SH2D4B: variants seen among roughly 807,000 people sequenced by gnomAD.
The protein encoded by SH2D4B is SH2 domain containing 4B.
In SH2D4B, 45 loss-of-function variants were observed where a neutral mutation model predicts 61.5. The ratio of observed to expected loss-of-function variants is 0.73; its 90% CI spans 0.58 to 0.94. The LOEUF is 0.94. SH2D4B is among the 40% of genes least tolerant of loss of function. The pLI is 0.00. For synonymous variants in SH2D4B, 224 were observed against 220.4 expected, an observed-to-expected ratio of 1.02 and a Z score of -0.14; for missense variants, 572 against 574.2, an observed-to-expected ratio of 1.00 and a Z score of 0.04.
chr10:80,559,664 G>T lies in SH2D4B; in HGVS notation c.185-10490G>T, dbSNP rs137937916. Reference sequence around the variant, plus strand: ...TTTTTTTTTTTTTTTTTGAGACAGGGTCTCACTCTATCACCCAGCCTATAG... The same window carrying T: ...TTTTTTTTTTTTTTTTTGAGACAGGTTCTCACTCTATCACCCAGCCTATAG... On this transcript the variant is annotated intron_variant, in intron 1 of 7. Coordinates refer to ENST00000646907, the MANE Select transcript of SH2D4B (RefSeq NM_001388272.1). Among the ~76,000 whole-genome samples, 1,366 of 147,614 alleles carry T rather than the reference G, an allele frequency of 9.3e-3. 23 individuals carry two copies. The highest frequency in any genetic ancestry group is 0.032 in the African/African-American group (1,296 of 39,912).
chr10:80,604,694 C>T (rs1842495254), intron 5 of SH2D4B, among the ~76,000 whole-genome samples: 1 of 151,998 alleles, frequency 6.6e-6, no homozygotes. Context: ...GATTCCCAAA[C>T]CAGAAGGTTT....
At chr10:80,588,018 A>G (rs1452132659) in intron 3 of SH2D4B, among the ~76,000 whole-genome samples, 1 of 152,158 alleles carries the variant, frequency 6.6e-6, no homozygotes, top group Non-Finnish European at 1.5e-5. Flanking sequence ...GTTAGGTGGC[A>G]CGATCACCAC....
intron 3 of SH2D4B, among the ~76,000 whole-genome samples, chr10:80,585,626 G>A (rs757970535): frequency 6.6e-6 from 1 of 152,166 alleles, no homozygotes; most frequent in African/African-American, 2.4e-5. Flanking sequence ...GGATGGCAGA[G>A]TCCTCTTACC....
chr10:80,593,513 A>G (rs552050156), intron 4 of SH2D4B, among the ~76,000 whole-genome samples: 1 of 152,344 alleles, frequency 6.6e-6, no homozygotes, highest in African/African-American at 2.4e-5. Context: ...TTGCTAGTGC[A>G]TAGAAATGCA....
rs1221957795 is a variant in SH2D4B at position 80,546,006 on chromosome 10, CTCTCTTTCTTTCTT to C, written c.184+7511_184+7524del. Among the ~76,000 whole-genome samples, 646 of 147,038 alleles carry C rather than the reference CTCTCTTTCTTTCTT, an allele frequency of 4.4e-3. 5 individuals carry two copies. The highest frequency in any genetic ancestry group is 0.015 in the African/African-American group (584 of 39,474). Reference sequence around the variant, plus strand: ...TTTTCTTATTTTCTCTCCTTTCTCTCTCTCTTTCTTTCTTTCTCTTTCTTTCTTTCTCTCTCTTT... The same window carrying C: ...TTTTCTTATTTTCTCTCCTTTCTCTCTCTCTTTCTTTCTTTCTCTCTCTTT... On this transcript the variant is annotated intron_variant, in intron 1 of 7. Transcript: ENST00000646907.
At chr10:80,561,125 A>G (rs1319706937) in intron 1 of SH2D4B, among the ~76,000 whole-genome samples, 1 of 152,198 alleles carries the variant, frequency 6.6e-6, no homozygotes, top group Non-Finnish European at 1.5e-5. Context: ...TAGCCTCTTT[A>G]TTTGTGGAAC....
chr10:80,574,732 C>T (rs1842104191), intron 3 of SH2D4B, among the ~76,000 whole-genome samples: 1 of 151,858 alleles, frequency 6.6e-6, no homozygotes, highest in South Asian at 2.1e-4. Context: ...CGGAGTTTCG[C>T]TCTTGTTGTC....
chr10:80,591,524 T>TTTTTTG (rs1842326673), intron 4 of SH2D4B, among the ~76,000 whole-genome samples: 1 of 149,482 alleles, frequency 6.7e-6, no homozygotes, highest in East Asian at 2.0e-4. Context: ...TTTTTTTTTT[T>TTTTTTG]GAGTCGGAGT....
intron 4 of SH2D4B, among the ~76,000 whole-genome samples, chr10:80,599,386 C>T (rs1842419627): frequency 6.6e-6 from 1 of 152,188 alleles, no homozygotes; most frequent in African/African-American, 2.4e-5. Flanking sequence ...CTAGGTGCCA[C>T]ATATTTTTGG....
Position 80,615,769 on chromosome 10 carries a change from T to C in SH2D4B, c.988+6218T>C, listed in dbSNP as rs1010880217. 3.9e-5 allele frequency among the ~76,000 whole-genome samples: 6 copies of C among 152,340 alleles called. No homozygotes were observed. In the East Asian group the frequency reaches 1.2e-3, roughly 29 times the overall value. On this transcript the variant is annotated intron_variant, in intron 6 of 7. Transcript: ENST00000646907. ...AGAGGGGACAGTTAAGATGGGGTTCTTGGGATCTTGGCAGTGTGGACCCAG... is the reference window on the plus strand; with the variant it reads ...AGAGGGGACAGTTAAGATGGGGTTCCTGGGATCTTGGCAGTGTGGACCCAG...
chr10:80,623,338 G>A (rs1457108974), intron 6 of SH2D4B, among the ~76,000 whole-genome samples: 2 of 152,212 alleles, frequency 1.3e-5, no homozygotes, highest in Non-Finnish European at 2.9e-5. Context: ...TTTGAAGATG[G>A]CACCTTGAAT....
intron 6 of SH2D4B, among the ~76,000 whole-genome samples, chr10:80,626,153 AT>A (rs35031186): frequency 0.17 from 25,540 of 149,376 alleles, 2,605 homozygotes; most frequent in Admixed American, 0.28. Context: ...ATCCAGGATA[AT>A]TTTTTTTTTT....
intron 3 of SH2D4B, among the ~76,000 whole-genome samples, chr10:80,577,693 C>T (rs568226953): frequency 3.3e-5 from 5 of 150,768 alleles, no homozygotes; most frequent in Admixed American, 6.6e-5. Context: ...CCCAAAGCGC[C>T]GGGATTACAG....
At chr10:80,581,154 A>G (rs965157512) in intron 3 of SH2D4B, among the ~76,000 whole-genome samples, 1 of 152,184 alleles carries the variant, frequency 6.6e-6, no homozygotes, top group African/African-American at 2.4e-5. Flanking sequence ...CGGTTGCTGT[A>G]GGCCTCTGGT....
intron 3 of SH2D4B, among the ~76,000 whole-genome samples, chr10:80,576,931 C>A (rs1255617493): frequency 6.6e-6 from 1 of 152,144 alleles, no homozygotes; most frequent in African/African-American, 2.4e-5. Flanking sequence ...CCACACCCAG[C>A]AATTTTTTGT....
chr10:80,581,032 G>C (rs1842179897), intron 3 of SH2D4B, among the ~76,000 whole-genome samples: 1 of 152,206 alleles, frequency 6.6e-6, no homozygotes, highest in African/African-American at 2.4e-5. Context: ...ATTTTAGCAA[G>C]ACCATGTGTA....
chr10:80,609,576 T>G, intron 6 of SH2D4B, 25 bp downstream of exon 6: 1 of 1,613,458 alleles, frequency 6.2e-7, no homozygotes. Flanking sequence ...CTGGGCCCTG[T>G]GCCAGATGAT....
intron 3 of SH2D4B, among the ~76,000 whole-genome samples, chr10:80,574,013 T>A (rs1313925762): frequency 3.3e-5 from 5 of 152,258 alleles, no homozygotes; most frequent in African/African-American, 1.2e-4. Flanking sequence ...GTTAATTTTT[T>A]AAAATACCTT....
rs1347208024 is a variant in SH2D4B, at chr10:80,609,466, C to G, written c.903C>G (p.Val301=). Residue 301 remains valine, a synonymous_variant, in exon 6 of 8, where the codon GTC becomes GTG. Transcript: ENST00000646907. ...ERPLRPVSRD[V]IVRWFKEEQL... is the part of the protein sequence containing the mutation. ...CGCTGCGCCCAGTCTCCAGAGATGT[C>G]ATCGTCCGCTGGTTTAAGGAGGAGC... The G allele has an allele frequency of 6.2e-7, 1 of 1,614,108 alleles. No individual in the cohort carries two copies. Among genetic ancestry groups the G allele is most frequent in the African/African-American group, 1.3e-5 (1 of 74,936 alleles).
Sources: gnomAD v4.1 joint callset for allele counts (sites outside exome capture counted in the v4.1 genomes callset) on GRCh38, gnomAD v4.1.1 for gene constraint, MANE v1.5 for transcripts, NCBI Gene and HGNC (gene_info 2026-07-23, HGNC 2026-07-21) for gene names.